Variants in GALNTL6 observed in about 807,000 individuals in gnomAD.
GALNTL6 encodes polypeptide N-acetylgalactosaminyltransferase like 6, also known as polypeptide N-acetylgalactosaminyltransferase-like 6.
In GALNTL6, 46 loss-of-function variants were observed where a neutral mutation model predicts 73.7. The observed-to-expected ratio is 0.62, with a 90% CI of 0.49 to 0.80. GALNTL6 has a LOEUF of 0.80. GALNTL6 is among the 30% of genes least tolerant of loss of function. GALNTL6 has a pLI of 0.00. For synonymous variants in GALNTL6, 259 were observed against 263.7 expected, an observed-to-expected ratio of 0.98 and a Z score of 0.17; for missense variants, 604 against 755.0, an observed-to-expected ratio of 0.80 and a Z score of 2.34.
intron 5 of GALNTL6, among the ~76,000 whole-genome samples, chr4:172,627,004 T>G (rs1739195338): frequency 6.6e-6 from 1 of 152,138 alleles, no homozygotes; most frequent in African/African-American, 2.4e-5. Flanking sequence ...TCTTGCCTGA[T>G]TGCTTTGGCT....
In GALNTL6 at chr4:172,161,641, G is replaced by A. The variant is rs562744789; in HGVS notation, c.139-68015G>A. Among the ~76,000 whole-genome samples, 3 of 152,128 alleles carry A rather than the reference G, an allele frequency of 2.0e-5. No individual in the cohort carries two copies. The South Asian group carries it at 6.2e-4, about 32-fold the overall frequency. On this transcript the variant is annotated intron_variant, in intron 2 of 12. Coordinates refer to ENST00000506823, the MANE Select transcript of GALNTL6 (RefSeq NM_001034845.3). ...CAAGATCTTAGAAGAGTCAAGAAAA[G>A]TTTATAATAGGTATTAAGGGAAACT...
chr4:172,138,942 C>G (rs1163287936), intron 2 of GALNTL6, among the ~76,000 whole-genome samples: 1 of 151,986 alleles, frequency 6.6e-6, no homozygotes, highest in Non-Finnish European at 1.5e-5. Flanking sequence ...GTATGAAATT[C>G]TCAGAACCAA....
chr4:172,522,665 T>TCCC (rs70944411), intron 5 of GALNTL6, among the ~76,000 whole-genome samples: 1 of 59,382 alleles, frequency 1.7e-5, no homozygotes. Flanking sequence ...TGAAACTCAG[T>TCCC]CCCCCCCCCC....
At chr4:173,023,185 A>G (rs1156507900) in intron 12 of GALNTL6, among the ~76,000 whole-genome samples, 1 of 152,140 alleles carries the variant, frequency 6.6e-6, no homozygotes, top group Non-Finnish European at 1.5e-5. Context: ...GTGTGGGGAG[A>G]GGGAGGACTG....
intron 5 of GALNTL6, among the ~76,000 whole-genome samples, chr4:172,593,404 T>A (rs985087114): frequency 6.6e-6 from 1 of 152,234 alleles, no homozygotes; most frequent in African/African-American, 2.4e-5. Context: ...ATATATTCTT[T>A]GTGCTCACCA....
chr4:172,961,483 G>A (rs1343101184), intron 10 of GALNTL6, among the ~76,000 whole-genome samples: 1 of 152,144 alleles, frequency 6.6e-6, no homozygotes, highest in East Asian at 1.9e-4. Context: ...GTCCCCACGT[G>A]GTCAGACGCC....
intron 4 of GALNTL6, among the ~76,000 whole-genome samples, chr4:172,313,402 C>CG (rs1255819989): frequency 6.6e-6 from 1 of 152,054 alleles, no homozygotes; most frequent in Admixed American, 6.6e-5. Flanking sequence ...GGATTACAGG[C>CG]TGAGCCACCG....
chr4:171,990,562 G>A (rs191122932), intron 2 of GALNTL6, among the ~76,000 whole-genome samples: 2 of 152,242 alleles, frequency 1.3e-5, no homozygotes, highest in East Asian at 1.9e-4. Flanking sequence ...TGTCTGAAGT[G>A]TTTAGTTCAT....
chr4:171,845,219 T>C (rs1735338754), intron 2 of GALNTL6, among the ~76,000 whole-genome samples: 1 of 152,178 alleles, frequency 6.6e-6, no homozygotes, highest in South Asian at 2.1e-4. Flanking sequence ...CCCGTTTGAT[T>C]GGATAATTGC....
intron 5 of GALNTL6, among the ~76,000 whole-genome samples, chr4:172,625,644 T>C (rs1369881218): frequency 1.3e-5 from 2 of 152,094 alleles, no homozygotes; most frequent in African/African-American, 4.8e-5. Context: ...TCCCACCAAA[T>C]GTATAAGCGT....
intron 5 of GALNTL6, among the ~76,000 whole-genome samples, chr4:172,797,003 A>T (rs1383047722): frequency 6.6e-6 from 1 of 152,182 alleles, no homozygotes; most frequent in Non-Finnish European, 1.5e-5. Flanking sequence ...TTATTAAATC[A>T]CTAACACACA....
At chr4:172,118,711 GA>G (rs58679680) in intron 2 of GALNTL6, among the ~76,000 whole-genome samples, 2,570 of 109,776 alleles carry the variant, frequency 0.023, 63 homozygotes, top group African/African-American at 0.072. Context: ...AAACAAAAAA[GA>G]AAAAAAAAAA....
intron 2 of GALNTL6, among the ~76,000 whole-genome samples, chr4:172,095,406 G>T (rs1032468495): frequency 6.6e-6 from 1 of 152,182 alleles, no homozygotes; most frequent in African/African-American, 2.4e-5. Context: ...GGGTCTGGAA[G>T]TGGTGGAAAA....
In GALNTL6 at chr4:172,309,542, A is replaced by G. The variant is rs891231468; in HGVS notation, c.248-2072A>G. ...CTCAAGCACATACACACACAAATAC[A>G]TATTAATTACTCAGCTTAATTCTGT... On this transcript the variant is annotated intron_variant, in intron 3 of 12. Transcript: ENST00000506823. 2.0e-5 allele frequency among the ~76,000 whole-genome samples: 3 copies of G among 152,190 alleles called. No homozygotes were observed. In the South Asian group the frequency reaches 6.2e-4, roughly 32 times the overall value.
At chr4:173,026,505 A>G (rs562950330) in intron 12 of GALNTL6, among the ~76,000 whole-genome samples, 3 of 152,340 alleles carry the variant, frequency 2.0e-5, no homozygotes, top group South Asian at 4.1e-4. Context: ...CATGCACTGA[A>G]ATGGAAAGGC....
chr4:172,754,615 A>T (rs1737634556), intron 5 of GALNTL6, among the ~76,000 whole-genome samples: 1 of 152,154 alleles, frequency 6.6e-6, no homozygotes, highest in East Asian at 1.9e-4. Context: ...TGGTGCTAAA[A>T]TGAATATGCA....
intron 5 of GALNTL6, among the ~76,000 whole-genome samples, chr4:172,750,470 A>G (rs76603814): frequency 0.018 from 2,696 of 152,246 alleles, 83 homozygotes; most frequent in African/African-American, 0.061. Flanking sequence ...AGTGATTGTC[A>G]TGACCTACCA....
chr4:172,215,512 G>C (rs575412304), intron 2 of GALNTL6, among the ~76,000 whole-genome samples: 2 of 152,176 alleles, frequency 1.3e-5, no homozygotes, highest in South Asian at 4.1e-4. Flanking sequence ...AGTCTGACTT[G>C]TCTGAAATTA....
chr4:172,433,813 A>T (rs541872515), intron 5 of GALNTL6, among the ~76,000 whole-genome samples: 1 of 152,218 alleles, frequency 6.6e-6, no homozygotes, highest in South Asian at 2.1e-4. Flanking sequence ...TTACTCAGGA[A>T]TATAATTGAT....
Sources: gnomAD v4.1 joint callset for allele counts (sites outside exome capture counted in the v4.1 genomes callset) on GRCh38, gnomAD v4.1.1 for gene constraint, MANE v1.5 for transcripts, NCBI Gene and HGNC (gene_info 2026-07-23, HGNC 2026-07-21) for gene names.